The following SLC16A12 variants were observed in gnomAD, a reference collection of about 807,000 sequenced individuals.
The protein encoded by SLC16A12 is solute carrier family 16 member 12.
In SLC16A12, 17 loss-of-function variants were observed where a neutral mutation model predicts 42.4. The observed-to-expected ratio is 0.40, with a 90% CI of 0.27 to 0.60. The LOEUF (loss-of-function observed/expected upper bound fraction) is 0.60, where lower values mean the gene tolerates loss of function less well. Ranked by LOEUF, SLC16A12 falls within the 20% of genes least tolerant of loss-of-function variation. The pLI, the probability that SLC16A12 is intolerant of heterozygous loss-of-function variation, is 0.42. For synonymous variants in SLC16A12, 224 were observed against 229.4 expected (o/e 0.98, Z 0.21); for missense variants, 544 against 623.0 (o/e 0.87, Z 1.35).
intron 2 of SLC16A12, among the ~76,000 whole-genome samples, chr10:89,500,382 A>G (rs1340177381): frequency 6.6e-6 from 1 of 152,222 alleles, no homozygotes; most frequent in Non-Finnish European, 1.5e-5. Context: ...ATAGATGCTA[A>G]AAGCCTTAAC....
chr10:89,485,678 G>A (rs185104175), intron 2 of SLC16A12, among the ~76,000 whole-genome samples: 27 of 152,296 alleles, frequency 1.8e-4, no homozygotes, highest in African/African-American at 5.8e-4. Flanking sequence ...TTGGAGAAAC[G>A]CCCATGGAAA....
upstream of SLC16A12, among the ~76,000 whole-genome samples, chr10:89,539,902 T>TTTCTTTCTTTCC (rs1491094652): frequency 1.7e-4 from 25 of 147,986 alleles, no homozygotes; most frequent in African/African-American, 6.2e-4. Context: ...TCTTTCTTTC[T>TTTCTTTCTTTCC]TTCTTTCTTT....
chr10:89,485,349 A>G (rs1345787994), intron 2 of SLC16A12, among the ~76,000 whole-genome samples: 1 of 152,214 alleles, frequency 6.6e-6, no homozygotes, highest in African/African-American at 2.4e-5. Flanking sequence ...GCAAGAAACT[A>G]TGTGGCTTCA....
intron 2 of SLC16A12, among the ~76,000 whole-genome samples, chr10:89,478,677 T>C (rs775026247): frequency 3.2e-4 from 48 of 152,356 alleles, no homozygotes; most frequent in Non-Finnish European, 4.6e-4. Context: ...TTTATTTAAA[T>C]GGACAACTAT....
chr10:89,527,593 T>G (rs1843475255), intron 2 of SLC16A12, among the ~76,000 whole-genome samples: 1 of 151,068 alleles, frequency 6.6e-6, no homozygotes, highest in Non-Finnish European at 1.5e-5. Context: ...CTCAGGAGTT[T>G]AAGTCCAGCC....
At chr10:89,462,770 T>C in intron 2 of SLC16A12, 146 bp from the exon 3 acceptor site, 2 of 878,272 alleles carry the variant, frequency 2.3e-6, no homozygotes, top group Middle Eastern at 3.5e-4. Context: ...GACTATTTGT[T>C]GTCCTTGGTA....
intron 2 of SLC16A12, among the ~76,000 whole-genome samples, chr10:89,495,764 C>A (rs562015684): frequency 6.6e-6 from 1 of 152,330 alleles, no homozygotes; most frequent in African/African-American, 2.4e-5. Flanking sequence ...TGTTTACCAT[C>A]ATGATCGTGG....
chr10:89,555,050 G>A (rs12778320), intron 2 of SLC16A12, among the ~76,000 whole-genome samples: 14,834 of 152,100 alleles, frequency 0.098, 761 homozygotes, highest in Non-Finnish European at 0.11. Flanking sequence ...ACCCAGATAA[G>A]CCCCTAGCAC....
At chr10:89,462,342 G>A (rs1319800489) in intron 3 of SLC16A12, 37 bp downstream of exon 3, 1 of 1,613,288 alleles carries the variant, frequency 6.2e-7, no homozygotes, top group African/African-American at 1.3e-5. Flanking sequence ...AGACAGGCCA[G>A]GTCATCTTAA....
intron 3 of SLC16A12, among the ~76,000 whole-genome samples, chr10:89,454,926 G>C (rs1001615438): frequency 6.6e-6 from 1 of 151,724 alleles, no homozygotes; most frequent in Admixed American, 6.6e-5. Context: ...TCATATACTT[G>C]GTGTTCATAA....
At chr10:89,458,399 A>C (rs1191511258) in intron 3 of SLC16A12, among the ~76,000 whole-genome samples, 1 of 152,192 alleles carries the variant, frequency 6.6e-6, no homozygotes, top group African/African-American at 2.4e-5. Flanking sequence ...TGTCTGAAAA[A>C]TAACAGGATT....
chr10:89,507,424 A>G (rs1028101363), intron 2 of SLC16A12, among the ~76,000 whole-genome samples: 7 of 152,272 alleles, frequency 4.6e-5, no homozygotes, highest in African/African-American at 1.4e-4. Context: ...AATATTCAAC[A>G]TTCTTAAAGA....
rs189655156 is a variant in SLC16A12 at position 89,470,384 on chromosome 10, A to T, written c.-46-7760T>A. Among the ~76,000 whole-genome samples the T allele has an allele frequency of 2.6e-5, 4 of 152,364 alleles. No individual in the cohort carries two copies. The East Asian group carries it at 7.7e-4, about 29-fold the overall frequency. On this transcript the variant is annotated intron_variant, in intron 2 of 7. Coordinates refer to ENST00000371790, the MANE Select transcript of SLC16A12 (RefSeq NM_213606.4). ...CTTTAACCTAGGTAGCTGAGGGGGA[A>T]GTGCCAAGAAGGAGGCCTGTGCTAT...
chr10:89,546,835 A>G (rs1843744915), intron 2 of SLC16A12, among the ~76,000 whole-genome samples: 1 of 152,262 alleles, frequency 6.6e-6, no homozygotes, highest in Non-Finnish European at 1.5e-5. Context: ...CATATACACC[A>G]TGGAATACTA....
intron 2 of SLC16A12, among the ~76,000 whole-genome samples, chr10:89,464,810 C>T (rs1285411874): frequency 6.6e-6 from 1 of 152,152 alleles, no homozygotes; most frequent in Non-Finnish European, 1.5e-5. Flanking sequence ...TTCCCACATA[C>T]ATCACTTAGG....
At chr10:89,552,908 C>T (rs1843780042) in intron 2 of SLC16A12, among the ~76,000 whole-genome samples, 1 of 152,118 alleles carries the variant, frequency 6.6e-6, no homozygotes, top group Non-Finnish European at 1.5e-5. Flanking sequence ...TGTTTTTATT[C>T]CCAAGTTCCA....
chr10:89,522,567 C>G (rs17479587), intron 2 of SLC16A12, among the ~76,000 whole-genome samples: 2,998 of 152,334 alleles, frequency 0.02, 71 homozygotes, highest in Admixed American at 0.062. Flanking sequence ...TGAATTCCAA[C>G]AGAAACTAAG....
At chr10:89,469,917 G>A (rs1057501192) in intron 2 of SLC16A12, among the ~76,000 whole-genome samples, 2 of 152,148 alleles carry the variant, frequency 1.3e-5, no homozygotes, top group Non-Finnish European at 1.5e-5. Flanking sequence ...ACTCTTTCAA[G>A]GTAGAGACAA....
At chr10:89,509,994 C>G (rs1254734292) in intron 2 of SLC16A12, among the ~76,000 whole-genome samples, 1 of 152,060 alleles carries the variant, frequency 6.6e-6, no homozygotes, top group Admixed American at 6.5e-5. Flanking sequence ...ACAATTGCTA[C>G]AAAGAGAATA....
Sources: gnomAD v4.1 joint callset for allele counts (sites outside exome capture counted in the v4.1 genomes callset) on GRCh38, gnomAD v4.1.1 for gene constraint, MANE v1.5 for transcripts, NCBI Gene and HGNC (gene_info 2026-07-23, HGNC 2026-07-21) for gene names.